NUP62: variants seen among roughly 807,000 people sequenced by gnomAD.
NUP62 encodes nuclear pore glycoprotein p62.
For missense variants in NUP62, 647 were observed against 689.4 expected (o/e 0.94, Z 0.69); for synonymous variants, 305 against 303.4 (o/e 1.01, Z -0.05).
chr19:49,926,045 C>T (rs140816328), intron 2 of NUP62, among the ~76,000 whole-genome samples: 1,592 of 151,838 alleles, frequency 0.01, 19 homozygotes, highest in Non-Finnish European at 0.012. Flanking sequence ...CCTGTATCTA[C>T]TAAAAATATA....
At chr19:49,916,868 C>T (rs2075637842) in intron 2 of NUP62, among the ~76,000 whole-genome samples, 1 of 152,202 alleles carries the variant, frequency 6.6e-6, no homozygotes, top group African/African-American at 2.4e-5. Context: ...CTGCAGTGAG[C>T]TGTGATCATG....
Position 49,921,947 on chromosome 19 carries a change from G to A in NUP62, c.-78+5747C>T, listed in dbSNP as rs115820788. ...TTGGCAGGATGAGTGCATTTGCTGC[G>A]AGAAAGCAGCCCCGACGGCAGGGCC... On this transcript the variant is annotated intron_variant, in intron 2 of 2. Transcript: ENST00000352066. This position sits in a 1 kb window ranked among gnomAD's most constrained non-coding sequence, Gnocchi z 5.4. Among the ~76,000 whole-genome samples, 92 of 152,302 alleles carry A rather than the reference G, an allele frequency of 6.0e-4. No individual in the cohort carries two copies. Among genetic ancestry groups the A allele is most frequent in the African/African-American group, 2.2e-3 (91 of 41,562 alleles).
Position 49,919,748 on chromosome 19 carries a change from G to C in NUP62, c.-78+7946C>G, listed in dbSNP as rs144826936. On this transcript the variant is annotated intron_variant, in intron 2 of 2. Coordinates refer to ENST00000352066, the MANE Select transcript of NUP62 (RefSeq NM_016553.5). ...AGCTAAGACAACCATGGAAAAGTTAGGAAACAGCCAGAGAGAGATTTTAAG... is the reference window on the plus strand; with the variant it reads ...AGCTAAGACAACCATGGAAAAGTTACGAAACAGCCAGAGAGAGATTTTAAG... 4.9e-3 allele frequency among the ~76,000 whole-genome samples: 753 copies of C among 152,232 alleles called. 11 individuals are homozygous for C. The highest frequency in any genetic ancestry group is 0.017 in the African/African-American group (721 of 41,540).
Position 49,908,572 on chromosome 19 carries a change from C to A in NUP62, c.1236G>T (p.Glu412Asp), listed in dbSNP as rs138767204. ...TGGTCCCGCTCTGCTCCTTGACCAA[C>A]TCCTCCAGTGGGCTCAGCAGGTCTT... ...ELEDLLSPLE[E>D]LVKEQSGTIY... is the part of the protein sequence containing the mutation. Residue 412 changes from glutamate (E) to aspartate (D), a missense_variant, in exon 3 of 3, where the codon GAG becomes GAT. Coordinates refer to ENST00000352066, the MANE Select transcript of NUP62 (RefSeq NM_016553.5). The A allele has an allele frequency of 2.0e-4, 327 of 1,614,094 alleles. No individual in the cohort carries two copies. Among genetic ancestry groups the A allele is most frequent in the Non-Finnish European group, 2.5e-4 (294 of 1,180,054 alleles).
rs2075362637 is a variant in NUP62 at position 49,908,046 on chromosome 19, T to C, written c.*193A>G. 1.6e-6 allele frequency: 2 copies of C among 1,248,888 alleles called. No homozygotes were observed. Among genetic ancestry groups the C allele is most frequent in the Non-Finnish European group, 2.2e-6 (2 of 929,038 alleles). The allele number at this position is 1,248,888 out of a possible 1,614,324, so 77.4% of individuals were successfully genotyped here. ...ACAGAAGCCACACCCATGAGGCTGC[T>C]GCCTGGGCAGAAGGCCCAGAATACC... On this transcript the variant is annotated 3_prime_UTR_variant, in exon 3 of 3. Coordinates refer to ENST00000352066, the MANE Select transcript of NUP62 (RefSeq NM_016553.5).
intron 2 of NUP62, among the ~76,000 whole-genome samples, chr19:49,924,725 C>T (rs193122236): frequency 3.3e-5 from 5 of 152,276 alleles, no homozygotes; most frequent in East Asian, 3.9e-4. Flanking sequence ...CACTGATGAC[C>T]GGCTATGAAC....
In NUP62 at chr19:49,909,495, T is replaced by C. The variant is rs774667706; in HGVS notation, c.313A>G (p.Thr105Ala). 25 of 1,613,426 alleles carry C rather than the reference T, an allele frequency of 1.5e-5. No homozygotes were observed. The highest frequency in any genetic ancestry group is 2.1e-5 in the Non-Finnish European group (25 of 1,179,946). ...SKLNLSNTAA[T>A]PAMANPSGFG... ...CCGCTGGGGTTTGCCATGGCTGGGG[T>C]GGCAGCTGTGTTGCTCAAGTTGAGC... The change falls in exon 3 of 3, where the codon ACC becomes GCC. Residue 105 changes from threonine to alanine, a missense_variant. By Grantham distance (58) the Thr-to-Ala change is moderately conservative (BLOSUM62 0). Coordinates refer to ENST00000352066, the MANE Select transcript of NUP62 (RefSeq NM_016553.5).
chr19:49,927,017 AC>A (rs1435260859), intron 2 of NUP62, among the ~76,000 whole-genome samples: 8 of 151,576 alleles, frequency 5.3e-5, no homozygotes, highest in African/African-American at 1.9e-4. Context: ...AAACCACCAC[AC>A]CCGACTATTT....
intron 2 of NUP62, among the ~76,000 whole-genome samples, chr19:49,924,347 C>G (rs911361452): frequency 2.0e-5 from 3 of 152,224 alleles, no homozygotes; most frequent in African/African-American, 7.2e-5. Flanking sequence ...CTCCCTCCCT[C>G]TCCACACCAC....
intron 2 of NUP62, among the ~76,000 whole-genome samples, chr19:49,915,037 GC>G (rs1027642207): frequency 6.6e-6 from 1 of 151,994 alleles, no homozygotes; most frequent in Admixed American, 6.6e-5. Context: ...ACTGTGCCCG[GC>G]CCCCAACCCC....
At position 49,908,347 on chromosome 19, in the gene NUP62, C is replaced by G; in HGVS notation, c.1461G>C (p.Trp487Cys). The G allele has an allele frequency of 6.2e-7, 1 of 1,614,190 alleles. No homozygotes were observed. The highest frequency in any genetic ancestry group is 8.5e-7 in the Non-Finnish European group (1 of 1,180,022). Reference sequence around the variant, plus strand: ...GCAGCAGGGCCGAGTTCTGGTCGATCCACTGCAGTGAGTCCATGTGCGCAT... The same window carrying G: ...GCAGCAGGGCCGAGTTCTGGTCGATGCACTGCAGTGAGTCCATGTGCGCAT... ...ILNAHMDSLQ[W>C]IDQNSALLQR... The change falls in exon 3 of 3, where the codon TGG becomes TGC. Residue 487 changes from tryptophan (W) to cysteine (C), a missense_variant. Trp to Cys is a radical substitution (Grantham distance 215). Transcript: ENST00000352066.
intron 2 of NUP62, among the ~76,000 whole-genome samples, chr19:49,922,923 G>A (rs1351640329): frequency 3.9e-5 from 6 of 152,104 alleles, no homozygotes; most frequent in African/African-American, 1.4e-4. Context: ...CCTCCACACT[G>A]CCCCAAGGTA....
chr19:49,919,948 G>A (rs765459291), intron 2 of NUP62, among the ~76,000 whole-genome samples: 1 of 151,560 alleles, frequency 6.6e-6, no homozygotes, highest in Non-Finnish European at 1.5e-5. Flanking sequence ...TTTTTTCTAA[G>A]ACAAGGTCTC....
Position 49,907,159 on chromosome 19 carries a change from A to C in NUP62, c.*1080T>G, listed in dbSNP as rs45577034. ...TGGGTCTCTGCCCATGGGAACTCAC[A>C]ATCTAACAGCGAGACGAGGCACAAA... On this transcript the variant is annotated 3_prime_UTR_variant, in exon 3 of 3. Coordinates refer to ENST00000352066, the MANE Select transcript of NUP62 (RefSeq NM_016553.5). 0.022 allele frequency: 3,660 copies of C among 169,392 alleles called. 80 individuals are homozygous for C. The highest frequency in any genetic ancestry group is 0.11 in the East Asian group (614 of 5,390). The allele number at this position is 169,392 out of a possible 1,614,324, so 10.5% of individuals were successfully genotyped here.
rs1024899795 is a variant in NUP62, at chr19:49,911,540, C to T, written c.-77-1656G>A. ...CCAGCTTGAGTAAGAGGCAACCTATCTCACTACCCCCACCCCTTCCACTGC... is the reference window on the plus strand; with the variant it reads ...CCAGCTTGAGTAAGAGGCAACCTATTTCACTACCCCCACCCCTTCCACTGC... On this transcript the variant is annotated intron_variant, in intron 2 of 2. Coordinates refer to ENST00000352066, the MANE Select transcript of NUP62 (RefSeq NM_016553.5). Among the ~76,000 whole-genome samples the T allele has an allele frequency of 2.0e-5, 3 of 152,250 alleles. No homozygotes were observed. In the East Asian group the frequency reaches 5.8e-4, roughly 29 times the overall value.
At chr19:49,918,904 G>GGGC (rs1555825799) in intron 2 of NUP62, among the ~76,000 whole-genome samples, 12 of 148,542 alleles carry the variant, frequency 8.1e-5, no homozygotes, top group African/African-American at 3.0e-4. Flanking sequence ...CTGGGGGGGG[G>GGGC]GGGGCGGGGT....
At chr19:49,918,760 A>C (rs573315730) in intron 2 of NUP62, 16 of 152,206 alleles carry the variant, frequency 1.1e-4, no homozygotes, top group Non-Finnish European at 1.6e-4. Flanking sequence ...TCAATGCCTA[A>C]ATGTTCCCGT....
chr19:49,907,385 T>C lies in NUP62; in HGVS notation c.*854A>G. ...CTGTGGTTCCTCAACACCCTGTGTGTGCAGGCCCCTCAGCTGACCTGTCTT... is the reference window on the plus strand; with the variant it reads ...CTGTGGTTCCTCAACACCCTGTGTGCGCAGGCCCCTCAGCTGACCTGTCTT... On this transcript the variant is annotated 3_prime_UTR_variant, in exon 3 of 3. Coordinates refer to ENST00000352066, the MANE Select transcript of NUP62 (RefSeq NM_016553.5). 2.8e-6 allele frequency: 1 copy of C among 363,456 alleles called. No individual in the cohort carries two copies. 22.5% of individuals were successfully genotyped at this position (363,456 alleles called of 1,614,324 possible). A position where few individuals can be genotyped will look rare whatever the true frequency, so the allele number is the denominator to read the frequency against.
intron 2 of NUP62, among the ~76,000 whole-genome samples, chr19:49,914,386 G>C (rs568440931): frequency 6.6e-6 from 1 of 152,130 alleles, no homozygotes; most frequent in Non-Finnish European, 1.5e-5. Context: ...CTCAGGGCTG[G>C]GTGGCTGTGA....
Sources: allele counts gnomAD v4.1 joint callset (sites outside exome capture counted in the v4.1 genomes callset), GRCh38; gene constraint gnomAD v4.1.1; non-coding constraint Gnocchi (gnomAD v3.1); transcripts MANE v1.5; gene names NCBI Gene and HGNC (gene_info 2026-07-23, HGNC 2026-07-21).